The following KCNH3 variants were observed in gnomAD, a reference collection of about 807,000 sequenced individuals.
KCNH3 encodes voltage-gated inwardly rectifying potassium channel KCNH3.
Under a neutral mutation model 95.6 loss-of-function variants are expected in KCNH3, and 36 were observed. That is an observed-to-expected ratio of 0.38 (90% CI 0.29 to 0.50). KCNH3 has a LOEUF of 0.50. Among genes scored for constraint, KCNH3 ranks in the 20% least tolerant of loss-of-function variants. The pLI is 0.95. For synonymous variants in KCNH3, 620 were observed against 646.3 expected (o/e 0.96, Z 0.62); for missense variants, 1,030 against 1,484.1 (o/e 0.69, Z 5.03).
intron 9 of KCNH3, 30 bp from the exon 10 acceptor site, chr12:49,550,050 C>A (rs199620847): frequency 1.1e-5 from 16 of 1,490,680 alleles, no homozygotes; most frequent in Admixed American, 1.9e-5. Flanking sequence ...CACTCCCAAC[C>A]CCCCCACCCC....
At chr12:49,541,842 C>G (rs768626585) in intron 3 of KCNH3, 78 bp downstream of exon 3, 7 of 1,520,556 alleles carry the variant, frequency 4.6e-6, no homozygotes, top group Admixed American at 3.9e-5. Context: ...AGTCTGAGTA[C>G]GGGGGTCCCC....
At chr12:49,547,352 C>T (rs1938095750) in intron 7 of KCNH3, among the ~76,000 whole-genome samples, 1 of 152,224 alleles carries the variant, frequency 6.6e-6, no homozygotes, top group South Asian at 2.1e-4. Flanking sequence ...CTTGCCTGTA[C>T]TTGTCTTAAA....
chr12:49,542,108 G>A (rs1217649628), intron 3 of KCNH3, among the ~76,000 whole-genome samples: 1 of 152,188 alleles, frequency 6.6e-6, no homozygotes, highest in African/African-American at 2.4e-5. Flanking sequence ...AAACCTGACT[G>A]GGGGTGGAGC....
chr12:49,541,522 C>A lies in KCNH3; in HGVS notation c.311-108C>A, dbSNP rs562940051. 3.7e-6 allele frequency: 5 copies of A among 1,335,430 alleles called. No individual in the cohort carries two copies. In the East Asian group the frequency reaches 9.2e-5, roughly 25 times the overall value. 82.7% of individuals were successfully genotyped at this position (1,335,430 alleles called of 1,614,324 possible). A position where few individuals can be genotyped will look rare whatever the true frequency, so the allele number is the denominator to read the frequency against. ...ACTGCCAGCCCTTCCCCCAGGAAAC[C>A]GCTAGATCCTGCCTGTGTCTTGCCC... is the stretch of plus-strand genomic sequence containing the variant. On this transcript the variant is annotated intron_variant, in intron 2 of 14. Transcript: ENST00000257981.
Position 49,539,319 on chromosome 12 carries a change from C to G in KCNH3, c.-98C>G. 1 of 649,904 alleles carries G rather than the reference C, an allele frequency of 1.5e-6. No homozygotes were observed. Among genetic ancestry groups the G allele is most frequent in the East Asian group, 3.9e-5 (1 of 25,518 alleles). The allele number at this position is 649,904 out of a possible 1,614,324, so 40.3% of individuals were successfully genotyped here. A position where few individuals can be genotyped will look rare whatever the true frequency, so the allele number is the denominator to read the frequency against. On this transcript the variant is annotated 5_prime_UTR_variant, in exon 1 of 15. Coordinates refer to ENST00000257981, the MANE Select transcript of KCNH3 (RefSeq NM_012284.3). The surrounding 1 kb of genome is among the most constrained non-coding windows in gnomAD (Gnocchi z 6.7). ...GCCCCCCGACGGCTGCGCTAGGGAG[C>G]GCGGGGCCCGGCGGGGGGCGGCCGA... is the stretch of plus-strand genomic sequence containing the variant.
intron 11 of KCNH3, 124 bp downstream of exon 11, chr12:49,554,678 T>G: frequency 1.2e-6 from 1 of 823,236 alleles, no homozygotes; most frequent in Non-Finnish European, 1.9e-6. Context: ...GCTCCCACCT[T>G]GGGCAGGGGT....
chr12:49,543,973 C>A lies in KCNH3; in HGVS notation c.882C>A (p.Ala294=), dbSNP rs1937963838. ...FVSKSGQVVF[A]PKSICLHYVT... ...CCAAGTCGGGCCAGGTGGTGTTTGCCCCAAAGTCCATTTGCCTCCACTACG... is the reference window on the plus strand; with the variant it reads ...CCAAGTCGGGCCAGGTGGTGTTTGCACCAAAGTCCATTTGCCTCCACTACG... Residue 294 remains alanine, a synonymous_variant, in exon 6 of 15, where the codon GCC becomes GCA. Coordinates refer to ENST00000257981, the MANE Select transcript of KCNH3 (RefSeq NM_012284.3). The A allele has an allele frequency of 5.6e-6, 9 of 1,613,934 alleles. No homozygotes were observed. Among genetic ancestry groups the A allele is most frequent in the Non-Finnish European group, 6.8e-6 (8 of 1,179,802 alleles).
chr12:49,543,252 T>C, intron 4 of KCNH3, 23 bp from the exon 5 acceptor site: 2 of 1,610,368 alleles, frequency 1.2e-6, no homozygotes, highest in Non-Finnish European at 1.7e-6. Flanking sequence ...CCTCTCTGCC[T>C]GGACCTGCCC....
chr12:49,556,304 CG>C, intron 12 of KCNH3, 65 bp from the exon 13 acceptor site: 1 of 1,197,806 alleles, frequency 8.3e-7, no homozygotes. Context: ...TGGGGCATCC[CG>C]TCCCGTATGA....
chr12:49,541,703 C>T lies in KCNH3; in HGVS notation c.384C>T (p.Val128=). The T allele has an allele frequency of 1.2e-6, 2 of 1,614,172 alleles. No individual in the cohort carries two copies. Among genetic ancestry groups the T allele is most frequent in the South Asian group, 2.2e-5 (2 of 91,080 alleles). Residue 128 remains valine (V), a synonymous_variant, in exon 3 of 15, where the codon GTC becomes GTT. Transcript: ENST00000257981. ...AAGGGGAGGTGGCTCTCTTCCTAGT[C>T]TCTCACAAGGACATCAGCGAAACCA... ...NEKGEVALFL[V]SHKDISETKN...
At chr12:49,540,709 A>AC (rs1382929729) in intron 1 of KCNH3, among the ~76,000 whole-genome samples, 190 bp from the exon 2 acceptor site, 2 of 152,286 alleles carry the variant, frequency 1.3e-5, no homozygotes, top group African/African-American at 4.8e-5. Flanking sequence ...ATGTACTCAC[A>AC]CCTGCTGCAG....
At chr12:49,549,722 G>A in intron 9 of KCNH3, 82 bp downstream of exon 9, 1 of 1,366,656 alleles carries the variant, frequency 7.3e-7, no homozygotes, top group Non-Finnish European at 1.0e-6. Flanking sequence ...GAGTGGGGGA[G>A]GATGAATGCA....
intron 13 of KCNH3, among the ~76,000 whole-genome samples, 178 bp from the exon 14 acceptor site, chr12:49,557,005 T>C (rs1277961488): frequency 1.3e-5 from 2 of 151,976 alleles, no homozygotes; most frequent in East Asian, 1.9e-4. Flanking sequence ...TGGGTGGTGT[T>C]TTCCCTGCCC....
At chr12:49,540,781 C>G (rs975966497) in intron 1 of KCNH3, 118 bp from the exon 2 acceptor site, 1 of 735,610 alleles carries the variant, frequency 1.4e-6, no homozygotes, top group Admixed American at 2.2e-5. Flanking sequence ...CCTTAACACA[C>G]GCAGGATTCC....
intron 2 of KCNH3, among the ~76,000 whole-genome samples, chr12:49,541,390 C>T (rs1172361985): frequency 3.9e-5 from 6 of 152,188 alleles, no homozygotes; most frequent in Non-Finnish European, 8.8e-5. Flanking sequence ...GAAAAACATC[C>T]GCATTTCGGC....
chr12:49,557,233 G>A lies in KCNH3; in HGVS notation c.2626G>A (p.Asp876Asn). 6.2e-7 allele frequency: 1 copy of A among 1,614,032 alleles called. No homozygotes were observed. Among genetic ancestry groups the A allele is most frequent in the Non-Finnish European group, 8.5e-7 (1 of 1,180,000 alleles). Reference sequence around the variant, plus strand: ...TGGGCCCAGCGAGGCAAGGAACACAGACACACTGGACAAGCTTCGGCAGGC... The same window carrying A: ...TGGGCCCAGCGAGGCAAGGAACACAAACACACTGGACAAGCTTCGGCAGGC... ...PHGPSEARNT[D>N]TLDKLRQAVT... The change falls in exon 14 of 15, where the codon GAC (aspartate) becomes AAC (asparagine). Residue 876 changes from aspartate (D) to asparagine (N), a missense_variant. Asp to Asn is a conservative substitution (Grantham distance 23). Around this residue, in one of 9 missense-constraint regions of KCNH3, gnomAD observed 464 missense variants for 493.2 expected, o/e 0.94. Coordinates refer to ENST00000257981, the MANE Select transcript of KCNH3 (RefSeq NM_012284.3).
At chr12:49,543,876 C>G (rs570669129) in intron 5 of KCNH3, 39 bp from the exon 6 acceptor site, 6 of 1,584,540 alleles carry the variant, frequency 3.8e-6, no homozygotes, top group Admixed American at 3.4e-5. Flanking sequence ...TGGCTGCCCC[C>G]CCAGCCCCAG....
chr12:49,539,530 G>C lies in KCNH3; in HGVS notation c.76+38G>C, dbSNP rs745937254. On this transcript the variant is annotated intron_variant, in intron 1 of 14. Coordinates refer to ENST00000257981, the MANE Select transcript of KCNH3 (RefSeq NM_012284.3). The surrounding 1 kb of genome is among the most constrained non-coding windows in gnomAD (Gnocchi z 6.7). ...CTCGCCCACTTGCACCCGGGCCGCC[G>C]GACCCTCGCCAGGGCTCCCGCCTTC... 3.2e-6 allele frequency: 5 copies of C among 1,556,680 alleles called. No individual in the cohort carries two copies. Among genetic ancestry groups the C allele is most frequent in the Non-Finnish European group, 4.4e-6 (5 of 1,149,174 alleles).
intron 10 of KCNH3, among the ~76,000 whole-genome samples, chr12:49,551,866 G>A (rs2138159263): frequency 6.6e-6 from 1 of 152,340 alleles, no homozygotes; most frequent in African/African-American, 2.4e-5. Context: ...GGGCCAGGAA[G>A]GTGGGGCGGT....
Sources: gnomAD v4.1 joint callset for allele counts (sites outside exome capture counted in the v4.1 genomes callset) on GRCh38, gnomAD v4.1.1 for gene constraint, gnomAD v4.1.1 regional missense constraint, Gnocchi (gnomAD v3.1) non-coding constraint, MANE v1.5 for transcripts, NCBI Gene and HGNC (gene_info 2026-07-23, HGNC 2026-07-21) for gene names.